Variants in ZNF532 observed in about 807,000 individuals in gnomAD.
ZNF532 encodes the protein zinc finger protein 532.
In ZNF532, 22 loss-of-function variants were observed where a neutral mutation model predicts 89.3. The ratio of observed to expected loss-of-function variants is 0.25; its 90% CI spans 0.18 to 0.35. The LOEUF (loss-of-function observed/expected upper bound fraction) is 0.35, where lower values mean the gene tolerates loss of function less well. Ranked by LOEUF, ZNF532 falls within the 10% of genes least tolerant of loss-of-function variation. The pLI is 1.00. For missense variants in ZNF532, 1,132 were observed against 1,643.4 expected, an observed-to-expected ratio of 0.69 and a Z score of 5.38; for synonymous variants, 606 against 649.6, an observed-to-expected ratio of 0.93 and a Z score of 1.02.
intron 6 of ZNF532, among the ~76,000 whole-genome samples, chr18:58,951,646 G>GTTTTTTTTTTTGT (rs760650267): frequency 5.5e-5 from 4 of 72,590 alleles, no homozygotes; most frequent in Non-Finnish European, 7.1e-5. Flanking sequence ...TCGCCCTGTT[G>GTTTTTTTTTTTGT]TTTTTTTTTT....
chr18:58,964,791 G>A (rs189761795), intron 7 of ZNF532, among the ~76,000 whole-genome samples: 1 of 151,664 alleles, frequency 6.6e-6, no homozygotes, highest in Non-Finnish European at 1.5e-5. Context: ...GGAGTTCGGG[G>A]TAGAGGGAGT....
At chr18:58,899,796 C>G (rs1479018328) in intron 2 of ZNF532, among the ~76,000 whole-genome samples, 1 of 152,180 alleles carries the variant, frequency 6.6e-6, no homozygotes, top group African/African-American at 2.4e-5. Context: ...AGATGTTGGA[C>G]CAGCTGTATT....
chr18:58,914,573 G>A (rs1160155475), intron 2 of ZNF532, among the ~76,000 whole-genome samples: 1 of 152,150 alleles, frequency 6.6e-6, no homozygotes, highest in African/African-American at 2.4e-5. Flanking sequence ...CCGGCTACTC[G>A]GGAGGCTGAG....
chr18:58,981,369 C>T, intron 8 of ZNF532, 101 bp from the exon 9 acceptor site: 1 of 1,463,062 alleles, frequency 6.8e-7, no homozygotes, highest in Non-Finnish European at 9.3e-7. Flanking sequence ...TTGGACCTGT[C>T]TGTGTGAACT....
chr18:58,984,057 T>C lies in ZNF532; in HGVS notation c.3497T>C (p.Leu1166Pro). 6.2e-7 allele frequency: 1 copy of C among 1,611,924 alleles called. No homozygotes were observed. Among genetic ancestry groups the C allele is most frequent in the Non-Finnish European group, 8.5e-7 (1 of 1,179,848 alleles). ...GCAATCACTCAACCACTGAAAAAGC[T>C]GAAAATCAATGTTTTTAAGGTTCAC... is the stretch of plus-strand genomic sequence containing the variant. The part of the protein sequence containing the change: ...RGAITQPLKK[L>P]KINVFKVHKC... The change falls in exon 10 of 10, where the codon CTG becomes CCG. Residue 1166 changes from leucine to proline, a missense_variant. Around this residue, in one of 9 missense-constraint regions of ZNF532, gnomAD observed 415 missense variants for 604.8 expected, o/e 0.69. Coordinates refer to ENST00000591808, the MANE Select transcript of ZNF532 (RefSeq NM_001375912.1).
At position 58,920,331 on chromosome 18, in the gene ZNF532, T is replaced by C. The variant is rs1603098581; in HGVS notation, c.2044T>C (p.Leu682=). 3 of 1,613,858 alleles carry C rather than the reference T, an allele frequency of 1.9e-6. No homozygotes were observed. In the East Asian group the frequency reaches 6.7e-5, roughly 36 times the overall value. The change falls in exon 3 of 10, where the codon TTA becomes CTA. Residue 682 remains leucine (L), a synonymous_variant. Coordinates refer to ENST00000591808, the MANE Select transcript of ZNF532 (RefSeq NM_001375912.1). Reference sequence around the variant, plus strand: ...GGTAATGCAATGCTCCCACTTAATTTTAAAGCCAGTCCCAGCAGATCAAAT... The same window carrying C: ...GGTAATGCAATGCTCCCACTTAATTCTAAAGCCAGTCCCAGCAGATCAAAT... ...GVVMQCSHLI[L]KPVPADQMIV... is the part of the protein sequence containing the mutation.
chr18:58,905,639 C>T (rs1023524880), intron 2 of ZNF532, among the ~76,000 whole-genome samples: 1 of 152,116 alleles, frequency 6.6e-6, no homozygotes. Context: ...AGCTCTTGGC[C>T]TCCCAACATG....
At chr18:58,963,090 G>A (rs1427346297) in intron 7 of ZNF532, among the ~76,000 whole-genome samples, 3 of 152,186 alleles carry the variant, frequency 2.0e-5, no homozygotes, top group Non-Finnish European at 2.9e-5. Context: ...TTGATCTCAA[G>A]TGTATTTGTT....
Position 58,919,231 on chromosome 18 carries a change from C to T in ZNF532, c.944C>T (p.Pro315Leu). 3.1e-6 allele frequency: 5 copies of T among 1,614,090 alleles called. No homozygotes were observed. The change falls in exon 3 of 10, where the codon CCT becomes CTT. Residue 315 changes from proline to leucine, a missense_variant. Transcript: ENST00000591808. The surrounding 1 kb of genome is among the most constrained non-coding windows in gnomAD (Gnocchi z 6.1). ...AGTCCGAGAGCCGCTGACAAGTCTC[C>T]TGAATCCCAGAATCTCATCGACGGG... ...NDSPRAADKSPESQNLIDGTK... is the reference protein window; with the variant it reads ...NDSPRAADKSLESQNLIDGTK...
In ZNF532 at chr18:58,919,953, A is replaced by G. The variant is rs775996056; in HGVS notation, c.1666A>G (p.Ile556Val). The change falls in exon 3 of 10, where the codon ATC becomes GTC. Residue 556 changes from isoleucine to valine, a missense_variant. Physicochemically the swap from Ile to Val is conservative, Grantham distance 29 (BLOSUM62 3). Coordinates refer to ENST00000591808, the MANE Select transcript of ZNF532 (RefSeq NM_001375912.1). This position sits in a 1 kb window ranked among gnomAD's most constrained non-coding sequence, Gnocchi z 6.1. ...TCAGCAACAAATAAAGCAGGCAATA[A>G]TCAATGCAGCAGCCTCGCAACCCCC... is the stretch of plus-strand genomic sequence containing the variant. ...KPQQQIKQAI[I>V]NAAASQPPKK... 3 of 1,613,802 alleles carry G rather than the reference A, an allele frequency of 1.9e-6. No homozygotes were observed. In the African/African-American group the frequency reaches 4.0e-5, roughly 22 times the overall value.
chr18:58,898,920 A>G (rs983952788), intron 2 of ZNF532, among the ~76,000 whole-genome samples: 22 of 152,352 alleles, frequency 1.4e-4, no homozygotes, highest in Admixed American at 9.1e-4. Flanking sequence ...CCAAAATTAA[A>G]AGGGAATGAA....
At chr18:58,903,495 G>A (rs955933743) in intron 2 of ZNF532, among the ~76,000 whole-genome samples, 2 of 152,060 alleles carry the variant, frequency 1.3e-5, no homozygotes, top group African/African-American at 4.8e-5. Flanking sequence ...GAGACAGGGA[G>A]AACAGAGCAT....
chr18:58,872,596 C>T (rs2057078971), intron 2 of ZNF532, among the ~76,000 whole-genome samples: 1 of 152,158 alleles, frequency 6.6e-6, no homozygotes, highest in South Asian at 2.1e-4. Flanking sequence ...GAGGGTGGGG[C>T]CATCAGGTAA....
At chr18:58,981,360 T>TG in intron 8 of ZNF532, 110 bp from the exon 9 acceptor site, 1 of 1,409,908 alleles carries the variant, frequency 7.1e-7, no homozygotes, top group East Asian at 2.3e-5. Context: ...CTCAGCTTAT[T>TG]GGACCTGTCT....
In ZNF532 at chr18:58,981,538, A is replaced by G; in HGVS notation, c.3332A>G (p.His1111Arg). 1 of 1,614,114 alleles carries G rather than the reference A, an allele frequency of 6.2e-7. No individual in the cohort carries two copies. The highest frequency in any genetic ancestry group is 1.1e-5 in the South Asian group (1 of 91,082). ...LMLEKHVQLM[H>R]GIKDPDLKEM... ...CTGGAGAAGCACGTCCAGCTGATGC[A>G]TGGCATCAAGGACCCTGACCTGAAA... Residue 1111 changes from histidine (H) to arginine (R), a missense_variant, in exon 9 of 10, where the codon CAT becomes CGT. This residue lies in a region of ZNF532 where 415 missense variants were observed against 604.8 expected (regional missense o/e 0.69). Coordinates refer to ENST00000591808, the MANE Select transcript of ZNF532 (RefSeq NM_001375912.1).
chr18:58,965,345 C>T (rs1603306605), intron 7 of ZNF532, among the ~76,000 whole-genome samples: 3 of 152,272 alleles, frequency 2.0e-5, no homozygotes, highest in Admixed American at 2.0e-4. Context: ...TTACGAATCC[C>T]ACTTTTAGGT....
intron 2 of ZNF532, among the ~76,000 whole-genome samples, chr18:58,893,276 TAA>T (rs1169008597): frequency 6.6e-6 from 1 of 152,028 alleles, no homozygotes; most frequent in Non-Finnish European, 1.5e-5. Context: ...CTTTAAAGAA[TAA>T]AAAAAGAATA....
At chr18:58,881,378 C>G (rs1048889896) in intron 2 of ZNF532, among the ~76,000 whole-genome samples, 3 of 152,162 alleles carry the variant, frequency 2.0e-5, no homozygotes, top group Non-Finnish European at 4.4e-5. Context: ...TCAGCTGATC[C>G]TGCCTCGGCC....
chr18:58,958,743 A>C (rs1304304160), intron 7 of ZNF532, among the ~76,000 whole-genome samples: 4 of 152,210 alleles, frequency 2.6e-5, no homozygotes, highest in Non-Finnish European at 4.4e-5. Flanking sequence ...CTAACCACAG[A>C]AATCCCACCA....
Sources: allele counts gnomAD v4.1 joint callset (sites outside exome capture counted in the v4.1 genomes callset), GRCh38; gene constraint gnomAD v4.1.1; regional missense constraint gnomAD v4.1.1; non-coding constraint Gnocchi (gnomAD v3.1); transcripts MANE v1.5; gene names NCBI Gene and HGNC (gene_info 2026-07-23, HGNC 2026-07-21).